KLF12: variants seen among roughly 807,000 people sequenced by gnomAD.
The protein encoded by KLF12 is Krueppel-like factor 12.
A neutral mutation model predicts 37.8 loss-of-function variants in KLF12; 9 were observed. The observed-to-expected ratio is 0.24, with a 90% CI of 0.14 to 0.42. The LOEUF is 0.42. KLF12 is among the 10% of genes least tolerant of loss of function. The probability of loss-of-function intolerance (pLI) is 1.00; values close to 1 mark genes in which losing one functional copy is unlikely to be tolerated. For synonymous variants in KLF12, 208 were observed against 202.1 expected (o/e 1.03, Z -0.25); for missense variants, 411 against 516.0 (o/e 0.80, Z 1.97).
intron 3 of KLF12, among the ~76,000 whole-genome samples, chr13:73,876,624 C>T (rs764658282): frequency 2.0e-5 from 3 of 152,128 alleles, no homozygotes; most frequent in Non-Finnish European, 4.4e-5. Context: ...TGATACTTGG[C>T]TTTATTTTTA....
intron 1 of KLF12, among the ~76,000 whole-genome samples, chr13:74,057,633 A>G (rs935105188): frequency 6.6e-6 from 1 of 152,248 alleles, no homozygotes; most frequent in African/African-American, 2.4e-5. Flanking sequence ...TATACAGAAG[A>G]GACAAGTCAA....
At chr13:73,805,414 G>C (rs958212771) in intron 5 of KLF12, among the ~76,000 whole-genome samples, 23 of 151,812 alleles carry the variant, frequency 1.5e-4, no homozygotes, top group African/African-American at 4.4e-4. Context: ...GAGCCCAGGA[G>C]TTCAACATCA....
the KLF12 span, among the ~76,000 whole-genome samples, chr13:74,172,264 C>T: frequency 6.6e-6 from 1 of 151,690 alleles, no homozygotes; most frequent in Non-Finnish European, 1.5e-5. Flanking sequence ...TAAAAAGGCA[C>T]TAAACTGTAG....
intron 3 of KLF12, among the ~76,000 whole-genome samples, chr13:73,864,068 A>C (rs951921195): frequency 1.3e-5 from 2 of 152,170 alleles, no homozygotes; most frequent in African/African-American, 4.8e-5. Flanking sequence ...TTAATAATAT[A>C]CTACATGTCA....
rs1013410035 is a variant in KLF12 at position 73,718,631 on chromosome 13, A to G, written c.870-3106T>C. Among the ~76,000 whole-genome samples, 3 of 152,232 alleles carry G rather than the reference A, an allele frequency of 2.0e-5. No homozygotes were observed. The East Asian group carries it at 5.8e-4, about 29-fold the overall frequency. ...AAATTAGCTGGACGTGGTGGCTCAC[A>G]CCAGTAATCCCAGCACTTTGTGAAG... On this transcript the variant is annotated intron_variant, in intron 6 of 7. Coordinates refer to ENST00000377669, the MANE Select transcript of KLF12 (RefSeq NM_007249.5).
chr13:74,115,902 T>C (rs1194097593), intron 1 of KLF12, among the ~76,000 whole-genome samples: 4 of 152,048 alleles, frequency 2.6e-5, no homozygotes, highest in African/African-American at 9.7e-5. Flanking sequence ...TGTTCTCATC[T>C]CACATCTTTA....
At chr13:73,990,507 T>C (rs981319725) in intron 2 of KLF12, among the ~76,000 whole-genome samples, 4 of 152,148 alleles carry the variant, frequency 2.6e-5, no homozygotes, top group African/African-American at 7.2e-5. Flanking sequence ...TAATACTACA[T>C]AGCTTTGATA....
At chr13:73,779,372 G>A (rs993433671) in intron 5 of KLF12, among the ~76,000 whole-genome samples, 5 of 152,160 alleles carry the variant, frequency 3.3e-5, no homozygotes, top group African/African-American at 1.2e-4. Flanking sequence ...CCAATGATTT[G>A]ATCCCTCATG....
chr13:74,247,918 C>A, the KLF12 span, among the ~76,000 whole-genome samples: 3 of 152,162 alleles, frequency 2.0e-5, no homozygotes. Flanking sequence ...AGTGATCTCC[C>A]AAGCACTGTG....
the KLF12 span, among the ~76,000 whole-genome samples, chr13:74,142,532 G>T: frequency 6.6e-6 from 1 of 152,146 alleles, no homozygotes; most frequent in East Asian, 1.9e-4. Context: ...CAACTAATGA[G>T]GTCTTCCATA....
chr13:74,035,699 A>C (rs948389773), intron 1 of KLF12, among the ~76,000 whole-genome samples: 1 of 152,164 alleles, frequency 6.6e-6, no homozygotes, highest in African/African-American at 2.4e-5. Context: ...AAGGGGAATG[A>C]ATTTTTCATC....
intron 2 of KLF12, among the ~76,000 whole-genome samples, chr13:73,960,565 TG>T (rs1421491310): frequency 6.6e-6 from 1 of 152,202 alleles, no homozygotes; most frequent in African/African-American, 2.4e-5. Context: ...AGAGTCATTT[TG>T]GTTCTCTAAC....
At chr13:73,713,524 T>C (rs1455533914) in intron 7 of KLF12, among the ~76,000 whole-genome samples, 1 of 152,088 alleles carries the variant, frequency 6.6e-6, no homozygotes, top group Non-Finnish European at 1.5e-5. Context: ...ACGCAAGGGG[T>C]TCCCCGAATT....
intron 4 of KLF12, among the ~76,000 whole-genome samples, chr13:73,830,608 A>C (rs1341523486): frequency 6.6e-6 from 1 of 152,212 alleles, no homozygotes; most frequent in Non-Finnish European, 1.5e-5. Flanking sequence ...TTAATCTAAG[A>C]AAAATAAATA....
intron 6 of KLF12, among the ~76,000 whole-genome samples, chr13:73,731,393 G>A (rs762588164): frequency 6.6e-6 from 1 of 151,942 alleles, no homozygotes; most frequent in Admixed American, 6.6e-5. Context: ...TAGAAACTAG[G>A]TAATAAGGAA....
intron 1 of KLF12, among the ~76,000 whole-genome samples, chr13:74,020,799 G>A (rs554726808): frequency 5.0e-4 from 76 of 151,902 alleles, no homozygotes; most frequent in African/African-American, 1.8e-3. Flanking sequence ...GCTGAGGCAG[G>A]AGAATGGCGT....
At chr13:74,204,166 G>A in the KLF12 span, among the ~76,000 whole-genome samples, 1 of 152,212 alleles carries the variant, frequency 6.6e-6, no homozygotes, top group South Asian at 2.1e-4. Context: ...CTATGTGTCT[G>A]ACTTTGGACA....
intron 1 of KLF12, among the ~76,000 whole-genome samples, chr13:74,061,785 A>G (rs1432100974): frequency 1.3e-5 from 2 of 152,216 alleles, no homozygotes; most frequent in Admixed American, 1.3e-4. Context: ...TTGAATACGT[A>G]AAGTATTGTA....
At chr13:74,123,162 A>G (rs572472054) in intron 1 of KLF12, among the ~76,000 whole-genome samples, 74 of 152,268 alleles carry the variant, frequency 4.9e-4, no homozygotes, top group African/African-American at 1.8e-3. Context: ...TCACACGTCA[A>G]TATCATAAAT....
Sources: allele counts gnomAD v4.1 joint callset (sites outside exome capture counted in the v4.1 genomes callset), GRCh38; gene constraint gnomAD v4.1.1; transcripts MANE v1.5; gene names NCBI Gene and HGNC (gene_info 2026-07-23, HGNC 2026-07-21).